Variants in PLD5 observed in about 807,000 individuals in gnomAD.
The protein encoded by PLD5 is inactive phospholipase D5.
Under a neutral mutation model 61.1 loss-of-function variants are expected in PLD5, and 36 were observed. The ratio of observed to expected loss-of-function variants is 0.59; its 90% CI spans 0.45 to 0.78. The LOEUF (loss-of-function observed/expected upper bound fraction) is 0.78, where lower values mean the gene tolerates loss of function less well. PLD5 is among the 30% of genes least tolerant of loss of function. The pLI is 0.00. For synonymous variants in PLD5, 243 were observed against 242.8 expected, an observed-to-expected ratio of 1.00 and a Z score of -0.01; for missense variants, 515 against 644.4, an observed-to-expected ratio of 0.80 and a Z score of 2.17.
At chr1:242,285,291 A>G (rs945012286) in intron 3 of PLD5, among the ~76,000 whole-genome samples, 1 of 152,194 alleles carries the variant, frequency 6.6e-6, no homozygotes, top group African/African-American at 2.4e-5. Flanking sequence ...ACTTGAGGTC[A>G]GTTCAAGACC....
At chr1:242,264,081 C>T (rs1440286244) in intron 4 of PLD5, among the ~76,000 whole-genome samples, 1 of 149,330 alleles carries the variant, frequency 6.7e-6, no homozygotes, top group African/African-American at 2.4e-5. Context: ...AAATACAGGA[C>T]CCTCGGTTAA....
chr1:242,430,801 A>G (rs1217766061), intron 1 of PLD5, among the ~76,000 whole-genome samples: 1 of 152,178 alleles, frequency 6.6e-6, no homozygotes, highest in Admixed American at 6.5e-5. Flanking sequence ...CTTTGAGTTT[A>G]ATGGTAGGCT....
chr1:242,153,737 G>A (rs1282660282), intron 5 of PLD5, among the ~76,000 whole-genome samples: 3 of 152,128 alleles, frequency 2.0e-5, no homozygotes, highest in African/African-American at 7.2e-5. Context: ...CCAGTACCAT[G>A]CTGTTTTGGT....
At chr1:242,345,651 G>A (rs1660088167) in intron 2 of PLD5, 1 of 864,756 alleles carries the variant, frequency 1.2e-6, no homozygotes, top group Admixed American at 1.7e-5. Context: ...TGTCAACCTT[G>A]ATATCAACAC....
intron 1 of PLD5, among the ~76,000 whole-genome samples, chr1:242,368,260 C>G (rs538597945): frequency 6.6e-6 from 1 of 152,252 alleles, no homozygotes; most frequent in African/African-American, 2.4e-5. Flanking sequence ...AAAGCCTTCT[C>G]CTTCATTCCC....
At chr1:242,194,497 T>C (rs1476845283) in intron 5 of PLD5, among the ~76,000 whole-genome samples, 1 of 152,108 alleles carries the variant, frequency 6.6e-6, no homozygotes. Context: ...CCATTCACAA[T>C]TGCAAAATCG....
chr1:242,301,401 T>G (rs983094685), intron 2 of PLD5, among the ~76,000 whole-genome samples: 3 of 152,190 alleles, frequency 2.0e-5, no homozygotes, highest in African/African-American at 7.2e-5. Flanking sequence ...AATATGCCAC[T>G]TTGGCAAAAG....
chr1:242,101,051 G>T (rs1660647253), intron 8 of PLD5, among the ~76,000 whole-genome samples: 1 of 152,102 alleles, frequency 6.6e-6, no homozygotes, highest in Admixed American at 6.5e-5. Flanking sequence ...TTTTCAGCAG[G>T]ATAAGGGCCA....
At chr1:242,114,184 A>C (rs1457982301) in intron 6 of PLD5, among the ~76,000 whole-genome samples, 158 bp from the exon 7 acceptor site, 1 of 152,220 alleles carries the variant, frequency 6.6e-6, no homozygotes, top group Non-Finnish European at 1.5e-5. Context: ...CAATCTTATC[A>C]AAGTTGAATA....
At chr1:242,373,151 G>C (rs933158005) in intron 1 of PLD5, among the ~76,000 whole-genome samples, 1 of 152,138 alleles carries the variant, frequency 6.6e-6, no homozygotes, top group Non-Finnish European at 1.5e-5. Context: ...TTGATGAACA[G>C]ACACTTCTCA....
At chr1:242,177,404 G>A (rs1345909591) in intron 5 of PLD5, among the ~76,000 whole-genome samples, 8 of 152,058 alleles carry the variant, frequency 5.3e-5, no homozygotes, top group Non-Finnish European at 8.8e-5. Context: ...AACACACACC[G>A]GGGCCTGTTG....
intron 1 of PLD5, among the ~76,000 whole-genome samples, chr1:242,474,057 C>T (rs1167183830): frequency 6.6e-6 from 1 of 152,152 alleles, no homozygotes; most frequent in Non-Finnish European, 1.5e-5. Flanking sequence ...ATAGGCATTA[C>T]AAAATTAATT....
intron 1 of PLD5, among the ~76,000 whole-genome samples, chr1:242,413,771 G>A (rs774855777): frequency 6.6e-6 from 1 of 152,152 alleles, no homozygotes; most frequent in Admixed American, 6.5e-5. Context: ...CTAGCTGAGC[G>A]CACCAGCAGA....
intron 5 of PLD5, among the ~76,000 whole-genome samples, chr1:242,195,496 C>T (rs1175218922): frequency 6.6e-6 from 1 of 152,206 alleles, no homozygotes; most frequent in Non-Finnish European, 1.5e-5. Context: ...GATGTAAATG[C>T]CAAGTGACAC....
At chr1:242,527,725 A>G (rs1169754332), upstream of PLD5, among the ~76,000 whole-genome samples, 2 of 152,222 alleles carry the variant, frequency 1.3e-5, 1 homozygote, top group East Asian at 3.8e-4. Flanking sequence ...TTGACCTTCA[A>G]AAGAATATTT....
intron 5 of PLD5, among the ~76,000 whole-genome samples, chr1:242,185,817 A>ATATT (rs1667839833): frequency 6.6e-6 from 1 of 151,938 alleles, no homozygotes; most frequent in African/African-American, 2.4e-5. Context: ...GTCTTTTACT[A>ATATT]TATTTTTTTT....
At chr1:242,155,465 CTGCTTTCTCT>C (rs1172230162) in intron 5 of PLD5, among the ~76,000 whole-genome samples, 1 of 152,010 alleles carries the variant, frequency 6.6e-6, no homozygotes, top group Non-Finnish European at 1.5e-5. Context: ...TAGATCTTTC[CTGCTTTCTCT>C]TGTGGGCATT....
chr1:242,194,937 G>A (rs1434663764), intron 5 of PLD5, among the ~76,000 whole-genome samples: 5 of 151,992 alleles, frequency 3.3e-5, no homozygotes, highest in Non-Finnish European at 5.9e-5. Context: ...TATACTGCTC[G>A]GGAGATGGGT....
chr1:242,459,843 G>A (rs1667061264), intron 1 of PLD5, among the ~76,000 whole-genome samples: 1 of 152,150 alleles, frequency 6.6e-6, no homozygotes, highest in Non-Finnish European at 1.5e-5. Context: ...AGCCTATAAA[G>A]GGATGCATGG....
Sources: allele counts gnomAD v4.1 joint callset (sites outside exome capture counted in the v4.1 genomes callset), GRCh38; gene constraint gnomAD v4.1.1; transcripts MANE v1.5; gene names NCBI Gene and HGNC (gene_info 2026-07-23, HGNC 2026-07-21).